Variants in IQCH observed in about 807,000 individuals in gnomAD.
IQCH encodes the protein IQ domain-containing protein H.
A neutral mutation model predicts 117.0 loss-of-function variants in IQCH; 98 were observed. The ratio of observed to expected loss-of-function variants is 0.84; its 90% confidence interval spans 0.71 to 0.99. The LOEUF (loss-of-function observed/expected upper bound fraction) is 0.99. IQCH is among the 50% of genes least tolerant of loss of function. The probability of loss-of-function intolerance (pLI) is 0.00; values close to 1 mark genes in which losing one functional copy is unlikely to be tolerated. For synonymous variants in IQCH, 412 were observed against 448.2 expected (o/e 0.92, Z 1.02); for missense variants, 1,102 against 1,243.8 (o/e 0.89, Z 1.72).
In IQCH at chr15:67,254,874, G is replaced by A. The variant is rs1195083981; in HGVS notation, c.-23G>A. The A allele has an allele frequency of 3.1e-6, 5 of 1,612,084 alleles. No homozygotes were observed. The highest frequency in any genetic ancestry group is 4.2e-6 in the Non-Finnish European group (5 of 1,178,898). On this transcript the variant is annotated 5_prime_UTR_variant, in exon 1 of 21. Transcript: ENST00000335894. The stretch of plus-strand genomic sequence containing the variant: ...TGCTTGGAAACCGCGCCTCCGCGGA[G>A]GTAGCCGTTCCCTGACCTAGCCATG...
chr15:67,371,799 G>A (rs56026891), intron 8 of IQCH, among the ~76,000 whole-genome samples: 3,857 of 152,246 alleles, frequency 0.025, 79 homozygotes, highest in African/African-American at 0.052. Flanking sequence ...ACAGAGATTG[G>A]GGGTCAGGTG....
In IQCH at chr15:67,400,006, C is replaced by T; in HGVS notation, c.1906-108C>T. ...ACTAGAAGATAACCAAATGAACAGA[C>T]CATTAGAAGTAAAGACACATGAGAA... On this transcript the variant is annotated intron_variant, in intron 13 of 20. Transcript: ENST00000335894. The T allele has an allele frequency of 2.6e-6, 2 of 778,906 alleles. 1 individual carries two copies. Among genetic ancestry groups the T allele is most frequent in the South Asian group, 3.6e-5 (2 of 55,618 alleles). 48.2% of individuals were successfully genotyped at this position (778,906 alleles called of 1,614,324 possible).
chr15:67,332,455 C>T (rs1186960369), intron 4 of IQCH, among the ~76,000 whole-genome samples: 17 of 152,068 alleles, frequency 1.1e-4, no homozygotes. Flanking sequence ...TGCTTTAATT[C>T]TAGTAAAGTA....
At chr15:67,288,704 CTG>C (rs1966651970) in intron 4 of IQCH, among the ~76,000 whole-genome samples, 1 of 152,098 alleles carries the variant, frequency 6.6e-6, no homozygotes, top group South Asian at 2.1e-4. Flanking sequence ...TCCAGCCACT[CTG>C]TGTCTTTTGA....
chr15:67,421,377 G>C lies in IQCH; in HGVS notation c.2305G>C (p.Val769Leu). Residue 769 changes from valine (V) to leucine (L), a missense_variant, in exon 16 of 21, where the codon GTG (valine) becomes CTG (leucine). Transcript: ENST00000335894. ...MLIEPNGKISVLSTGDQLHAE... is the reference protein window; with the variant it reads ...MLIEPNGKISLLSTGDQLHAE... ...GATAGAGCCCAACGGGAAAATCAGC[G>C]TGCTGTCGACAGGGGACCAGCTTCA... The C allele has an allele frequency of 6.2e-7, 1 of 1,614,172 alleles. No homozygotes were observed. The highest frequency in any genetic ancestry group is 1.3e-5 in the African/African-American group (1 of 75,050).
At chr15:67,267,452 A>G (rs758617695) in intron 3 of IQCH, among the ~76,000 whole-genome samples, 1 of 152,222 alleles carries the variant, frequency 6.6e-6, no homozygotes, top group Non-Finnish European at 1.5e-5. Context: ...TGGAACCAAT[A>G]TATTTTTGGA....
intron 4 of IQCH, among the ~76,000 whole-genome samples, chr15:67,295,574 G>A (rs559695098): frequency 6.6e-6 from 1 of 152,268 alleles, no homozygotes; most frequent in Admixed American, 6.5e-5. Context: ...ACTGAGCTAG[G>A]AGGCGTCTGC....
At position 67,501,310 on chromosome 15, in the gene IQCH, T is replaced by C. The variant is rs948319424; in HGVS notation, c.*564T>C. 2 of 152,232 alleles carry C rather than the reference T, an allele frequency of 1.3e-5. No individual in the cohort carries two copies. Among genetic ancestry groups the C allele is most frequent in the Admixed American group, 1.3e-4 (2 of 15,284 alleles). The allele number at this position is 152,232 out of a possible 1,614,324, so 9.4% of individuals were successfully genotyped here. A position where few individuals can be genotyped will look rare whatever the true frequency, so the allele number is the denominator to read the frequency against. The stretch of plus-strand genomic sequence containing the variant: ...ACCAAGCCACTATTGTCTGCTATTG[T>C]TGCCATTTTTCAAAAAGTAGGATAA... On this transcript the variant is annotated 3_prime_UTR_variant, in exon 21 of 21. Coordinates refer to ENST00000335894, the MANE Select transcript of IQCH (RefSeq NM_001031715.3). This position sits in a 1 kb window ranked among gnomAD's most constrained non-coding sequence, Gnocchi z 5.2.
At chr15:67,382,659 C>T (rs904414250) in intron 10 of IQCH, among the ~76,000 whole-genome samples, 5 of 152,060 alleles carry the variant, frequency 3.3e-5, no homozygotes, top group Admixed American at 2.6e-4. Context: ...GTATCTAAAC[C>T]GTATAATAAT....
chr15:67,452,936 T>C (rs2082568225), intron 16 of IQCH, among the ~76,000 whole-genome samples: 1 of 152,206 alleles, frequency 6.6e-6, no homozygotes, highest in Non-Finnish European at 1.5e-5. Context: ...TTTTATTCTT[T>C]TTTCTCTAAA....
chr15:67,416,998 AT>A lies in IQCH; in HGVS notation c.2166del (p.Asn722LysfsTer21). On this transcript the variant is annotated frameshift_variant, in exon 15 of 21. Transcript: ENST00000335894. LOFTEE classifies it high-confidence loss of function. This position sits in a 1 kb window ranked among gnomAD's most constrained non-coding sequence, Gnocchi z 5.1. ...TTAGCACAGCACGCACAGCCAGTCA[AT>A]GAGAAACGGTTCCCGACGTGGAGGA... The part of the protein sequence containing the change: ...GILAQHAQPV[N>X]EKRFPTWRKF... 1 of 1,612,270 alleles carries A rather than the reference AT, an allele frequency of 6.2e-7. No individual in the cohort carries two copies. Among genetic ancestry groups the A allele is most frequent in the Non-Finnish European group, 8.5e-7 (1 of 1,179,162 alleles).
In IQCH at chr15:67,465,592, C is replaced by T. The variant is rs1181701603; in HGVS notation, c.2676+295C>T. On this transcript the variant is annotated intron_variant, in intron 17 of 20. Transcript: ENST00000335894. The surrounding 1 kb of genome is among the most constrained non-coding windows in gnomAD (Gnocchi z 5.9). The stretch of plus-strand genomic sequence containing the variant: ...ATTGCCTCAACTACAAGCTGTTTCA[C>T]ACAAAACCCATATTTTTCTAGCCCC... 6.6e-6 allele frequency among the ~76,000 whole-genome samples: 1 copy of T among 152,162 alleles called. No individual in the cohort carries two copies. The highest frequency in any genetic ancestry group is 2.4e-5 in the African/African-American group (1 of 41,444).
intron 4 of IQCH, 27 bp downstream of exon 4, chr15:67,279,539 A>C: frequency 1.5e-6 from 2 of 1,365,518 alleles, no homozygotes; most frequent in Non-Finnish European, 2.1e-6. Flanking sequence ...TCATAGAGAC[A>C]GAAAGTAGTT....
chr15:67,455,849 C>T (rs192129599), intron 16 of IQCH, among the ~76,000 whole-genome samples: 9 of 152,162 alleles, frequency 5.9e-5, no homozygotes, highest in Admixed American at 1.3e-4. Flanking sequence ...ATTGAATTGC[C>T]GTGGAAGGCG....
Position 67,500,680 on chromosome 15 carries a change from C to T in IQCH, c.3018C>T (p.Asn1006=). The part of the protein sequence containing the change: ...IETILRVTKE[N]KMRFEEEQQS... ...CTATTCTAAGAGTAACAAAGGAAAA[C>T]AAAATGAGATTTGAAGAGGAGCAAC... is the stretch of plus-strand genomic sequence containing the variant. The change falls in exon 21 of 21, where the codon AAC becomes AAT. Residue 1006 remains asparagine, a synonymous_variant. Transcript: ENST00000335894. The surrounding 1 kb of genome is among the most constrained non-coding windows in gnomAD (Gnocchi z 4.4). 1 of 1,604,186 alleles carries T rather than the reference C, an allele frequency of 6.2e-7. No individual in the cohort carries two copies. Among genetic ancestry groups the T allele is most frequent in the Non-Finnish European group, 8.5e-7 (1 of 1,173,454 alleles).
At chr15:67,421,836 C>T (rs536673608) in intron 16 of IQCH, among the ~76,000 whole-genome samples, 1 of 152,322 alleles carries the variant, frequency 6.6e-6, no homozygotes, top group Admixed American at 6.5e-5. Context: ...CAGTGGCTTA[C>T]ACCTGTAATC....
At chr15:67,351,419 T>C (rs1470233862) in intron 6 of IQCH, among the ~76,000 whole-genome samples, 2 of 152,222 alleles carry the variant, frequency 1.3e-5, no homozygotes, top group African/African-American at 2.4e-5. Flanking sequence ...AGTCTTCTGT[T>C]GATGGACTTT....
In IQCH at chr15:67,254,958, G is replaced by T; in HGVS notation, c.51+11G>T. On this transcript the variant is annotated intron_variant, in intron 1 of 20. Transcript: ENST00000335894. ...TCCATCTTAATCCAGGTGGGAAACG[G>T]GCTTCCCCCGGCCCTGCCCTGCCCA... 2 of 1,611,776 alleles carry T rather than the reference G, an allele frequency of 1.2e-6. No homozygotes were observed. Among genetic ancestry groups the T allele is most frequent in the Non-Finnish European group, 1.7e-6 (2 of 1,178,796 alleles).
intron 10 of IQCH, among the ~76,000 whole-genome samples, chr15:67,378,388 C>A (rs893391043): frequency 1.3e-5 from 2 of 150,620 alleles, no homozygotes; most frequent in African/African-American, 4.9e-5. Flanking sequence ...TCAATAAAAT[C>A]TTTGCAGTCT....
Sources: gnomAD v4.1 joint callset for allele counts (sites outside exome capture counted in the v4.1 genomes callset) on GRCh38, gnomAD v4.1.1 for gene constraint, Gnocchi (gnomAD v3.1) non-coding constraint, MANE v1.5 for transcripts, NCBI Gene and HGNC (gene_info 2026-07-23, HGNC 2026-07-21) for gene names.